Variants in XPR1 observed in about 807,000 individuals in gnomAD.
The protein encoded by XPR1 is xenotropic and polytropic retrovirus receptor 1.
In XPR1, 28 loss-of-function variants were observed where a neutral mutation model predicts 87.5. The ratio of observed to expected loss-of-function variants is 0.32; its 90% CI spans 0.24 to 0.44. The LOEUF (loss-of-function observed/expected upper bound fraction) is 0.44. Among genes scored for constraint, XPR1 ranks in the 20% least tolerant of loss-of-function variants. XPR1 has a pLI of 1.00. For missense variants in XPR1, 559 were observed against 862.3 expected, an observed-to-expected ratio of 0.65 and a Z score of 4.41; for synonymous variants, 300 against 306.1, an observed-to-expected ratio of 0.98 and a Z score of 0.21.
Position 180,803,531 on chromosome 1 carries a change from GTCCAACATAGAAATA to G in XPR1, c.369_383del (p.Gln124_Ile128del), listed in dbSNP as rs1306368765. The G allele has an allele frequency of 6.2e-7, 1 of 1,613,796 alleles. No individual in the cohort carries two copies. The highest frequency in any genetic ancestry group is 2.2e-5 in the East Asian group (1 of 44,888). On this transcript the variant is annotated inframe_deletion, in exon 4 of 15. Coordinates refer to ENST00000367590, the MANE Select transcript of XPR1 (RefSeq NM_004736.4). ...CTTCCACTTGTCCCATGAGGAACGT[GTCCAACATAGAAATA>G]TTAAAGACCTTAAACTGGCCTTCAG...
At chr1:180,797,206 TA>T (rs1396958442) in intron 3 of XPR1, among the ~76,000 whole-genome samples, 3 of 152,150 alleles carry the variant, frequency 2.0e-5, no homozygotes, top group Admixed American at 2.0e-4. Flanking sequence ...ATTTTCATTA[TA>T]AAAAAAGATA....
intron 2 of XPR1, among the ~76,000 whole-genome samples, chr1:180,741,595 C>T (rs1364397111): frequency 2.0e-5 from 3 of 152,056 alleles, no homozygotes; most frequent in Non-Finnish European, 2.9e-5. Flanking sequence ...AAGTGATTCT[C>T]CTGCCCTCAG....
intron 2 of XPR1, among the ~76,000 whole-genome samples, chr1:180,708,805 T>C (rs931630883): frequency 7.2e-5 from 11 of 151,824 alleles, no homozygotes; most frequent in Non-Finnish European, 1.6e-4. Flanking sequence ...ACAAAAATTT[T>C]CCCCAAAATG....
At chr1:180,837,015 T>C (rs1480885053) in intron 11 of XPR1, among the ~76,000 whole-genome samples, 1 of 152,212 alleles carries the variant, frequency 6.6e-6, no homozygotes, top group East Asian at 1.9e-4. Flanking sequence ...TCCATTTGTT[T>C]TTAGACTTCC....
intron 3 of XPR1, among the ~76,000 whole-genome samples, chr1:180,792,579 G>T (rs1000912907): frequency 2.0e-4 from 31 of 152,136 alleles, no homozygotes; most frequent in African/African-American, 7.0e-4. Context: ...ATGTATCTTT[G>T]GTTAAAAAAT....
chr1:180,821,875 T>G (rs912682260), intron 7 of XPR1, among the ~76,000 whole-genome samples: 29 of 152,282 alleles, frequency 1.9e-4, no homozygotes, highest in African/African-American at 6.3e-4. Flanking sequence ...TTTTGTGTGT[T>G]GATCTTGTAC....
intron 7 of XPR1, among the ~76,000 whole-genome samples, chr1:180,817,582 A>C (rs529558755): frequency 2.6e-5 from 4 of 152,364 alleles, no homozygotes; most frequent in African/African-American, 7.2e-5. Flanking sequence ...GTACAGTAAC[A>C]TGGTGGACAG....
chr1:180,844,039 C>A (rs932582947), intron 11 of XPR1, among the ~76,000 whole-genome samples: 1 of 151,972 alleles, frequency 6.6e-6, no homozygotes, highest in African/African-American at 2.4e-5. Flanking sequence ...GGTGAAACCC[C>A]ATCTCTACTA....
At chr1:180,841,807 C>T (rs1651524098) in intron 11 of XPR1, among the ~76,000 whole-genome samples, 1 of 151,976 alleles carries the variant, frequency 6.6e-6, no homozygotes, top group African/African-American at 2.4e-5. Context: ...AAAAAAAACT[C>T]ATAGTTGCTA....
chr1:180,743,610 T>C (rs1322564546), intron 2 of XPR1, among the ~76,000 whole-genome samples: 1 of 152,156 alleles, frequency 6.6e-6, no homozygotes, highest in Non-Finnish European at 1.5e-5. Flanking sequence ...GATGAGGTTT[T>C]GAGTTTCCTG....
intron 3 of XPR1, among the ~76,000 whole-genome samples, chr1:180,789,491 T>A (rs1208773647): frequency 6.6e-6 from 1 of 152,214 alleles, no homozygotes; most frequent in Non-Finnish European, 1.5e-5. Flanking sequence ...CATCTGTTTT[T>A]CCATCTCACA....
intron 2 of XPR1, among the ~76,000 whole-genome samples, chr1:180,684,510 T>A (rs1019941130): frequency 2.6e-5 from 4 of 151,978 alleles, no homozygotes; most frequent in African/African-American, 9.7e-5. Context: ...AGTAGTTTTT[T>A]CCAATTCTGT....
chr1:180,873,824 A>C lies in XPR1; in HGVS notation c.1690A>C (p.Ile564Leu), dbSNP rs758405959. ...PQKAYYYCAI[I>L]EDVILRFAWT... is the part of the protein sequence containing the mutation. ...TCAGGCCTACTACTACTGTGCCATA[A>C]TAGAGGATGTGATTCTGCGCTTTGC... The change falls in exon 13 of 15, where the codon ATA (isoleucine) becomes CTA (leucine). Residue 564 changes from isoleucine to leucine, a missense_variant. Ile to Leu is a conservative substitution (Grantham distance 5). Coordinates refer to ENST00000367590, the MANE Select transcript of XPR1 (RefSeq NM_004736.4). 6.2e-7 allele frequency: 1 copy of C among 1,613,982 alleles called. No individual in the cohort carries two copies. Among genetic ancestry groups the C allele is most frequent in the Non-Finnish European group, 8.5e-7 (1 of 1,179,984 alleles).
chr1:180,759,849 G>A (rs1368323840), intron 2 of XPR1, among the ~76,000 whole-genome samples: 2 of 152,140 alleles, frequency 1.3e-5, no homozygotes, highest in Non-Finnish European at 2.9e-5. Flanking sequence ...CATGAACATT[G>A]ATGCAAAAAT....
At chr1:180,765,644 A>T (rs1188827606) in intron 2 of XPR1, among the ~76,000 whole-genome samples, 1 of 152,196 alleles carries the variant, frequency 6.6e-6, no homozygotes, top group Non-Finnish European at 1.5e-5. Flanking sequence ...GTATGTTTTA[A>T]ATCTTCTCTG....
intron 11 of XPR1, among the ~76,000 whole-genome samples, chr1:180,838,975 A>AATTAAT (rs1316151229): frequency 1.3e-5 from 2 of 152,206 alleles, no homozygotes; most frequent in African/African-American, 2.4e-5. Context: ...AATTTTTATA[A>AATTAAT]GTAATTGTTG....
intron 2 of XPR1, among the ~76,000 whole-genome samples, chr1:180,748,786 C>G (rs1469461798): frequency 6.6e-6 from 1 of 152,144 alleles, no homozygotes; most frequent in Non-Finnish European, 1.5e-5. Context: ...CTCTTCCCAA[C>G]TCTGTATTCA....
At chr1:180,754,470 A>AT (rs887909081) in intron 2 of XPR1, among the ~76,000 whole-genome samples, 11 of 151,410 alleles carry the variant, frequency 7.3e-5, no homozygotes, top group African/African-American at 2.2e-4. Flanking sequence ...TTTTTATTTT[A>AT]TTTTTTTTGA....
intron 1 of XPR1, among the ~76,000 whole-genome samples, chr1:180,640,350 T>C (rs867991055): frequency 1.4e-4 from 22 of 152,212 alleles, no homozygotes; most frequent in African/African-American, 2.9e-4. Context: ...ACACCTCTTA[T>C]AGCGTAGGTT....
Sources: allele counts gnomAD v4.1 joint callset (sites outside exome capture counted in the v4.1 genomes callset), GRCh38; gene constraint gnomAD v4.1.1; transcripts MANE v1.5; gene names NCBI Gene and HGNC (gene_info 2026-07-23, HGNC 2026-07-21).